STIM2: variants seen among roughly 807,000 people sequenced by gnomAD.
The protein encoded by STIM2 is stromal interaction molecule 2.
STIM2 carries 31 observed loss-of-function variants against 85.8 expected under a neutral mutation model. That is an observed-to-expected ratio of 0.36 (90% CI 0.27 to 0.49). STIM2 has a LOEUF of 0.49. STIM2 is among the 20% of genes least tolerant of loss of function. STIM2 has a pLI of 0.98. For synonymous variants in STIM2, 356 were observed against 331.1 expected, an observed-to-expected ratio of 1.08 and a Z score of -0.82; for missense variants, 841 against 927.6, an observed-to-expected ratio of 0.91 and a Z score of 1.21.
At chr4:26,869,367 T>TA (rs1268856015) in intron 1 of STIM2, among the ~76,000 whole-genome samples, 2 of 150,828 alleles carry the variant, frequency 1.3e-5, no homozygotes, top group Non-Finnish European at 3.0e-5. Flanking sequence ...ATATGGGTCC[T>TA]AAAAAGAACT....
At chr4:26,970,235 ATATATATATATG>A (rs1560224059) in intron 3 of STIM2, among the ~76,000 whole-genome samples, 665 of 20,246 alleles carry the variant, frequency 0.033, 6 homozygotes, top group African/African-American at 0.052. Flanking sequence ...ATATATATAT[ATATATATATATG>A]TATGTATTTT....
chr4:26,885,493 G>A (rs1315611043), intron 1 of STIM2, among the ~76,000 whole-genome samples: 2 of 151,928 alleles, frequency 1.3e-5, no homozygotes, highest in Admixed American at 1.3e-4. Context: ...CTTATTTACT[G>A]GACAGCTGTC....
chr4:26,999,271 GA>G lies in STIM2; in HGVS notation c.553del (p.Ile185SerfsTer23). On this transcript the variant is annotated frameshift_variant, in exon 5 of 12. Coordinates refer to ENST00000467087, the MANE Select transcript of STIM2 (RefSeq NM_020860.4). LOFTEE classifies it high-confidence loss of function. ...AACCTTCATTTATGATCTCCCAGTT[GA>G]AAATCAGTGACCGGAGTCACAGACA... 1 of 1,609,376 alleles carries G rather than the reference GA, an allele frequency of 6.2e-7. No individual in the cohort carries two copies. Among genetic ancestry groups the G allele is most frequent in the Non-Finnish European group, 8.5e-7 (1 of 1,177,746 alleles).
intron 2 of STIM2, among the ~76,000 whole-genome samples, chr4:26,920,159 A>C (rs1392441604): frequency 6.6e-6 from 1 of 152,176 alleles, no homozygotes; most frequent in Non-Finnish European, 1.5e-5. Flanking sequence ...AGCCTAGCTC[A>C]AACTTTATTA....
intron 1 of STIM2, among the ~76,000 whole-genome samples, chr4:26,887,433 G>T (rs958241743): frequency 6.6e-6 from 1 of 151,958 alleles, no homozygotes; most frequent in East Asian, 1.9e-4. Flanking sequence ...GAACTTCTCC[G>T]GTGTATCCCT....
intron 3 of STIM2, among the ~76,000 whole-genome samples, chr4:26,961,014 C>CAAA (rs200795495): frequency 7.6e-6 from 1 of 131,366 alleles, no homozygotes. Context: ...CACTCCGTCT[C>CAAA]AAAAAAAAAA....
At chr4:26,928,427 A>G (rs533429842) in intron 2 of STIM2, among the ~76,000 whole-genome samples, 1 of 152,340 alleles carries the variant, frequency 6.6e-6, no homozygotes, top group East Asian at 1.9e-4. Flanking sequence ...AGTATCAAGG[A>G]AGCTTTTGCA....
At chr4:27,007,823 C>A in intron 8 of STIM2, 123 bp downstream of exon 8, 1 of 1,085,900 alleles carries the variant, frequency 9.2e-7, no homozygotes, top group Non-Finnish European at 1.3e-6. Flanking sequence ...TTTTTTCAAA[C>A]TGGAACTTAT....
At chr4:26,908,816 T>A (rs1724226095) in intron 1 of STIM2, among the ~76,000 whole-genome samples, 1 of 152,202 alleles carries the variant, frequency 6.6e-6, no homozygotes, top group African/African-American at 2.4e-5. Context: ...CAGTAAATGC[T>A]CTATTTCCAC....
At chr4:26,935,093 C>T (rs1725347294) in intron 2 of STIM2, among the ~76,000 whole-genome samples, 1 of 152,022 alleles carries the variant, frequency 6.6e-6, no homozygotes. Flanking sequence ...ATTTTAGCTG[C>T]AAATTCTATT....
chr4:26,940,387 T>A (rs73251759), intron 2 of STIM2, among the ~76,000 whole-genome samples: 1 of 152,292 alleles, frequency 6.6e-6, no homozygotes, highest in Non-Finnish European at 1.5e-5. Context: ...CACAATTTCA[T>A]TCTCATGTTT....
At chr4:27,020,916 C>T in intron 11 of STIM2, 2 of 1,257,036 alleles carry the variant, frequency 1.6e-6, no homozygotes, top group East Asian at 2.5e-5. Flanking sequence ...AGCTCTGTTC[C>T]CTTCTCACAC....
rs1726689051 is a variant in STIM2, at chr4:26,965,652, T to C, written c.397+7926T>C. On this transcript the variant is annotated intron_variant, in intron 3 of 11. Transcript: ENST00000467087. ...TCTTTTTCTCTTTCTCTTTTTGTTTTATTATTCTCAGTTCTTCCTCTTTCA... is the reference window on the plus strand; with the variant it reads ...TCTTTTTCTCTTTCTCTTTTTGTTTCATTATTCTCAGTTCTTCCTCTTTCA... 4.6e-5 allele frequency among the ~76,000 whole-genome samples: 7 copies of C among 152,156 alleles called. 1 individual carries two copies. The South Asian group carries it at 1.2e-3, about 27-fold the overall frequency.
intron 2 of STIM2, 51 bp downstream of exon 2, chr4:26,919,685 A>T (rs1724726179): frequency 6.3e-7 from 1 of 1,583,594 alleles, no homozygotes; most frequent in Non-Finnish European, 8.6e-7. Context: ...GAATGACTGC[A>T]TTTCTGTTTC....
At chr4:26,959,762 A>T (rs920203003) in intron 3 of STIM2, among the ~76,000 whole-genome samples, 2 of 151,486 alleles carry the variant, frequency 1.3e-5, no homozygotes, top group Non-Finnish European at 2.9e-5. Flanking sequence ...GACGTCTTAA[A>T]CCTCTTTTTC....
chr4:26,877,215 A>G (rs534292479), intron 1 of STIM2, among the ~76,000 whole-genome samples: 110 of 151,346 alleles, frequency 7.3e-4, no homozygotes, highest in Non-Finnish European at 1.4e-3. Context: ...TTTCTGTTTC[A>G]GTTTGGATGA....
chr4:26,861,234 C>A lies in STIM2; in HGVS notation c.16C>A (p.Leu6Met). Residue 6 changes from leucine to methionine, a missense_variant, in exon 1 of 12, where the codon CTG becomes ATG. Transcript: ENST00000467087. ...CTGGGCTGCGTTGCTGGTGCTCGGGCTGCTGGTAGCCGGAGCGGCGGACGG... is the reference window on the plus strand; with the variant it reads ...CTGGGCTGCGTTGCTGGTGCTCGGGATGCTGGTAGCCGGAGCGGCGGACGG... 6.7e-7 allele frequency: 1 copy of A among 1,494,724 alleles called. No homozygotes were observed. The highest frequency in any genetic ancestry group is 8.9e-7 in the Non-Finnish European group (1 of 1,129,478). The allele number at this position is 1,494,724 out of a possible 1,614,324, so 92.6% of individuals were successfully genotyped here.
chr4:26,900,830 G>A (rs1378108133), intron 1 of STIM2, among the ~76,000 whole-genome samples: 1 of 152,168 alleles, frequency 6.6e-6, no homozygotes, highest in Non-Finnish European at 1.5e-5. Context: ...TGTTTGTAGT[G>A]TCTTATCCCC....
chr4:26,943,155 G>GA (rs77166414), intron 2 of STIM2, among the ~76,000 whole-genome samples: 31 of 151,372 alleles, frequency 2.0e-4, no homozygotes, highest in African/African-American at 7.0e-4. Context: ...ATTAATGGTT[G>GA]AAAAAATGCC....
Sources: allele counts gnomAD v4.1 joint callset (sites outside exome capture counted in the v4.1 genomes callset), GRCh38; gene constraint gnomAD v4.1.1; transcripts MANE v1.5; gene names NCBI Gene and HGNC (gene_info 2026-07-23, HGNC 2026-07-21).